Variants in EDIL3 observed in about 807,000 individuals in gnomAD.
The protein encoded by EDIL3 is EGF-like repeat and discoidin I-like domain-containing protein 3.
Under a neutral mutation model 67.4 loss-of-function variants are expected in EDIL3, and 37 were observed. That is an observed-to-expected ratio of 0.55 (90% CI 0.42 to 0.72). EDIL3 has a LOEUF of 0.72. Among genes scored for constraint, EDIL3 ranks in the 30% least tolerant of loss-of-function variants. The pLI, the probability that EDIL3 is intolerant of heterozygous loss-of-function variation, is 0.00. For synonymous variants in EDIL3, 195 were observed against 196.3 expected, an observed-to-expected ratio of 0.99 and a Z score of 0.05; for missense variants, 527 against 586.3, an observed-to-expected ratio of 0.90 and a Z score of 1.04.
At chr5:84,253,436 G>A (rs1745071295) in intron 2 of EDIL3, among the ~76,000 whole-genome samples, 1 of 152,120 alleles carries the variant, frequency 6.6e-6, no homozygotes, top group Non-Finnish European at 1.5e-5. Flanking sequence ...TTATTTTAAA[G>A]TACAGCTATT....
intron 1 of EDIL3, among the ~76,000 whole-genome samples, chr5:84,374,189 A>G (rs1338723004): frequency 6.6e-6 from 1 of 151,844 alleles, no homozygotes; most frequent in Non-Finnish European, 1.5e-5. Flanking sequence ...TCTCCTTTTT[A>G]TCTCTTGAGT....
At chr5:83,961,664 T>G in intron 10 of EDIL3, among the ~76,000 whole-genome samples, 1 of 151,316 alleles carries the variant, frequency 6.6e-6, no homozygotes, top group East Asian at 1.9e-4. Context: ...GTATAACTTA[T>G]GAAGTTTAAA....
chr5:84,299,227 TAC>T (rs1469917148), intron 1 of EDIL3, among the ~76,000 whole-genome samples: 1 of 152,040 alleles, frequency 6.6e-6, no homozygotes, highest in Admixed American at 6.6e-5. Flanking sequence ...TAGTGGTATA[TAC>T]ACATTTTTTA....
intron 1 of EDIL3, among the ~76,000 whole-genome samples, chr5:84,364,464 C>A (rs560308543): frequency 6.6e-6 from 1 of 152,110 alleles, no homozygotes; most frequent in Non-Finnish European, 1.5e-5. Flanking sequence ...TGTATATAAA[C>A]AATTGCAGTA....
intron 9 of EDIL3, among the ~76,000 whole-genome samples, chr5:83,966,750 A>T (rs753717782): frequency 2.0e-5 from 3 of 152,102 alleles, no homozygotes; most frequent in Non-Finnish European, 2.9e-5. Flanking sequence ...ATAGCAATAT[A>T]TAAACACTAT....
intron 1 of EDIL3, among the ~76,000 whole-genome samples, chr5:84,319,494 C>CAAAAAAAA (rs55738450): frequency 1.8e-3 from 76 of 42,798 alleles, no homozygotes; most frequent in Admixed American, 2.6e-3. Flanking sequence ...CAAAAAACAA[C>CAAAAAAAA]AAAAAAAAAA....
intron 9 of EDIL3, among the ~76,000 whole-genome samples, chr5:84,029,174 A>G (rs956443770): frequency 2.6e-5 from 4 of 152,212 alleles, no homozygotes; most frequent in Admixed American, 2.0e-4. Flanking sequence ...AGAGAATGGC[A>G]TGAACCTGGG....
chr5:84,353,700 T>C (rs1747411842), intron 1 of EDIL3, among the ~76,000 whole-genome samples: 1 of 152,226 alleles, frequency 6.6e-6, no homozygotes, highest in South Asian at 2.1e-4. Flanking sequence ...ACTTCAGTGA[T>C]GAGTCTGACA....
chr5:84,253,917 T>A (rs911335787), intron 2 of EDIL3, among the ~76,000 whole-genome samples, 167 bp downstream of exon 2: 1 of 152,016 alleles, frequency 6.6e-6, no homozygotes, highest in Non-Finnish European at 1.5e-5. Flanking sequence ...TTAATATAAT[T>A]TCAATATAAA....
intron 1 of EDIL3, among the ~76,000 whole-genome samples, chr5:84,366,161 T>C (rs1263638204): frequency 6.6e-6 from 1 of 151,518 alleles, no homozygotes; most frequent in African/African-American, 2.4e-5. Flanking sequence ...AAAACAACAG[T>C]TTATTAACCA....
chr5:84,050,827 G>A (rs1160028607), intron 9 of EDIL3, among the ~76,000 whole-genome samples: 1 of 152,184 alleles, frequency 6.6e-6, no homozygotes, highest in Admixed American at 6.5e-5. Context: ...AGCTTGAACT[G>A]GGTGAAGCCC....
intron 2 of EDIL3, among the ~76,000 whole-genome samples, chr5:84,245,116 CCTTT>C (rs1744880694): frequency 6.6e-6 from 1 of 151,982 alleles, no homozygotes; most frequent in African/African-American, 2.4e-5. Flanking sequence ...AGAGAATGTC[CCTTT>C]CTTTATAGTT....
intron 1 of EDIL3, among the ~76,000 whole-genome samples, chr5:84,374,409 C>T (rs1001211902): frequency 3.9e-5 from 6 of 152,258 alleles, no homozygotes; most frequent in South Asian, 2.1e-4. Context: ...CTTATGTTCC[C>T]TAAAGTAGAA....
At chr5:84,055,784 G>A (rs1354181362) in intron 9 of EDIL3, among the ~76,000 whole-genome samples, 1 of 152,128 alleles carries the variant, frequency 6.6e-6, no homozygotes, top group Admixed American at 6.5e-5. Flanking sequence ...CAGTTAGAAT[G>A]GCAATCATTC....
intron 6 of EDIL3, among the ~76,000 whole-genome samples, chr5:84,095,838 A>T (rs1424763507): frequency 6.6e-6 from 1 of 152,220 alleles, no homozygotes; most frequent in Admixed American, 6.5e-5. Context: ...TCTCCACAGC[A>T]TGTTAGAGGT....
At chr5:84,227,549 C>A (rs986359042) in intron 3 of EDIL3, among the ~76,000 whole-genome samples, 1 of 152,090 alleles carries the variant, frequency 6.6e-6, no homozygotes, top group Non-Finnish European at 1.5e-5. Flanking sequence ...AACAGAGCTA[C>A]TGTAAGATCC....
chr5:84,117,251 C>G (rs369450896), intron 5 of EDIL3, among the ~76,000 whole-genome samples: 7 of 151,784 alleles, frequency 4.6e-5, no homozygotes, highest in Non-Finnish European at 8.8e-5. Context: ...AGGATGGTCT[C>G]GATCTCCTGA....
intron 1 of EDIL3, among the ~76,000 whole-genome samples, chr5:84,290,398 T>G (rs567315308): frequency 6.6e-6 from 1 of 152,302 alleles, no homozygotes; most frequent in South Asian, 2.1e-4. Context: ...CAGACTCTGG[T>G]GCCTGGGAAA....
intron 5 of EDIL3, among the ~76,000 whole-genome samples, chr5:84,126,660 T>C (rs1459787165): frequency 6.6e-6 from 1 of 152,140 alleles, no homozygotes; most frequent in African/African-American, 2.4e-5. Flanking sequence ...GGTTGTTGCC[T>C]ATATTTGTAG....
Sources: gnomAD v4.1 joint callset for allele counts (sites outside exome capture counted in the v4.1 genomes callset) on GRCh38, gnomAD v4.1.1 for gene constraint, MANE v1.5 for transcripts, NCBI Gene and HGNC (gene_info 2026-07-23, HGNC 2026-07-21) for gene names.